ST18: variants seen among roughly 807,000 people sequenced by gnomAD.
The protein encoded by ST18 is suppression of tumorigenicity 18 protein.
Under a neutral mutation model 110.0 loss-of-function variants are expected in ST18, and 50 were observed. The observed-to-expected ratio is 0.45, with a 90% confidence interval of 0.36 to 0.58. The LOEUF is 0.58. Among genes scored for constraint, ST18 ranks in the 20% least tolerant of loss-of-function variants. The pLI is 0.00. For synonymous variants in ST18, 461 were observed against 452.4 expected, an observed-to-expected ratio of 1.02 and a Z score of -0.24; for missense variants, 1,306 against 1,280.1, an observed-to-expected ratio of 1.02 and a Z score of -0.31.
chr8:52,221,085 CTCTA>C (rs58429982), intron 4 of ST18, among the ~76,000 whole-genome samples: 63,578 of 148,116 alleles, frequency 0.43, 13,536 homozygotes, highest in Middle Eastern at 0.45. Flanking sequence ...AACTACCTAT[CTCTA>C]TCTATCTATC....
intron 2 of ST18, among the ~76,000 whole-genome samples, chr8:52,250,731 T>A (rs745422452): frequency 6.6e-6 from 1 of 151,986 alleles, no homozygotes; most frequent in Admixed American, 6.6e-5. Flanking sequence ...TATTCTTATC[T>A]TTATCATAGA....
chr8:52,372,064 A>C (rs559929943), intron 2 of ST18, among the ~76,000 whole-genome samples: 2 of 152,308 alleles, frequency 1.3e-5, no homozygotes, highest in South Asian at 4.1e-4. Flanking sequence ...GTTGTCATAG[A>C]GATGACAGCT....
chr8:52,399,714 A>G (rs1431706713), intron 2 of ST18, among the ~76,000 whole-genome samples: 1 of 151,918 alleles, frequency 6.6e-6, no homozygotes, highest in Non-Finnish European at 1.5e-5. Flanking sequence ...AACATGTTTA[A>G]TCTCCACATA....
intron 8 of ST18, among the ~76,000 whole-genome samples, chr8:52,200,296 G>A (rs545797135): frequency 3.9e-5 from 6 of 152,318 alleles, no homozygotes; most frequent in African/African-American, 1.4e-4. Context: ...AAAGAAGGCT[G>A]GAATAAGTGC....
chr8:52,407,997 A>T (rs1185301648), intron 2 of ST18: 2 of 152,116 alleles, frequency 1.3e-5, no homozygotes, highest in African/African-American at 2.4e-5. Flanking sequence ...TTAATTTGGA[A>T]TTTTTTATTT....
intron 10 of ST18, among the ~76,000 whole-genome samples, chr8:52,167,557 G>A (rs1419067334): frequency 6.6e-6 from 1 of 152,254 alleles, no homozygotes; most frequent in East Asian, 1.9e-4. Context: ...TCCAGTGCTA[G>A]TGATTCACGG....
chr8:52,207,005 T>C (rs1296392423), intron 8 of ST18, among the ~76,000 whole-genome samples: 2 of 152,310 alleles, frequency 1.3e-5, no homozygotes, highest in Non-Finnish European at 2.9e-5. Context: ...GGAATCTTTA[T>C]GTAATAAGTT....
chr8:52,332,530 CTTTTTTTTTTTTTTT>C (rs140331895), intron 2 of ST18, among the ~76,000 whole-genome samples: 6 of 49,770 alleles, frequency 1.2e-4, no homozygotes, highest in Admixed American at 5.7e-4. Flanking sequence ...TCTAATGTAG[CTTTTTTTTTTTTTTT>C]TTTTTTTTTT....
intron 2 of ST18, among the ~76,000 whole-genome samples, chr8:52,350,813 C>T (rs914815954): frequency 3.9e-5 from 6 of 151,954 alleles, no homozygotes; most frequent in Non-Finnish European, 8.8e-5. Context: ...CTCTGCCTCC[C>T]GGGTTCAAGC....
At chr8:52,291,550 T>C (rs1416536343) in intron 2 of ST18, among the ~76,000 whole-genome samples, 2 of 152,226 alleles carry the variant, frequency 1.3e-5, no homozygotes, top group Non-Finnish European at 2.9e-5. Flanking sequence ...GTGCTTTACA[T>C]ACATTATACT....
intron 19 of ST18, among the ~76,000 whole-genome samples, chr8:52,134,822 C>A (rs1332418393): frequency 6.6e-6 from 1 of 151,956 alleles, no homozygotes. Context: ...GCTGAGTAAC[C>A]GTTCGTTTTG....
chr8:52,342,214 T>C (rs1229566509), intron 2 of ST18, among the ~76,000 whole-genome samples: 3 of 152,182 alleles, frequency 2.0e-5, no homozygotes, highest in South Asian at 2.1e-4. Flanking sequence ...CATAAATATG[T>C]ACAATTTTTA....
At chr8:52,267,016 G>A (rs1318924052) in intron 2 of ST18, among the ~76,000 whole-genome samples, 1 of 152,170 alleles carries the variant, frequency 6.6e-6, no homozygotes, top group African/African-American at 2.4e-5. Flanking sequence ...GCAGCAAAGG[G>A]CTGGGGTGGC....
At chr8:52,126,192 A>C (rs758121622) in intron 22 of ST18, 52 bp from the exon 23 acceptor site, 1 of 1,541,392 alleles carries the variant, frequency 6.5e-7, no homozygotes, top group East Asian at 2.3e-5. Context: ...ATTTCTTATA[A>C]AAATTAAAAT....
chr8:52,392,760 T>C (rs1226823846), intron 2 of ST18, among the ~76,000 whole-genome samples: 3 of 152,180 alleles, frequency 2.0e-5, no homozygotes, highest in African/African-American at 7.2e-5. Flanking sequence ...CATTGGTTAC[T>C]TGGTTACACA....
chr8:52,358,171 C>T (rs1824040976), intron 2 of ST18, among the ~76,000 whole-genome samples: 2 of 151,752 alleles, frequency 1.3e-5, no homozygotes, highest in Admixed American at 1.3e-4. Flanking sequence ...AATGAAAACA[C>T]AAAATGCCAA....
At chr8:52,318,100 A>G (rs1481494556) in intron 2 of ST18, among the ~76,000 whole-genome samples, 1 of 152,236 alleles carries the variant, frequency 6.6e-6, no homozygotes, top group Non-Finnish European at 1.5e-5. Context: ...CACAACCTAC[A>G]GAATGGGAGA....
At chr8:52,174,254 T>G (rs2066065693) in intron 9 of ST18, among the ~76,000 whole-genome samples, 1 of 152,240 alleles carries the variant, frequency 6.6e-6, no homozygotes, top group Non-Finnish European at 1.5e-5. Flanking sequence ...GTTTAAATAA[T>G]ATATTAAACA....
intron 2 of ST18, among the ~76,000 whole-genome samples, chr8:52,362,602 C>T (rs962913022): frequency 6.6e-6 from 1 of 152,170 alleles, no homozygotes; most frequent in Non-Finnish European, 1.5e-5. Flanking sequence ...GAGTCGCATT[C>T]TTGTTAGATA....
Sources: gnomAD v4.1 joint callset for allele counts (sites outside exome capture counted in the v4.1 genomes callset) on GRCh38, gnomAD v4.1.1 for gene constraint, MANE v1.5 for transcripts, NCBI Gene and HGNC (gene_info 2026-07-23, HGNC 2026-07-21) for gene names.